The following ERI3 variants were observed in gnomAD, a reference collection of about 807,000 sequenced individuals.
ERI3 encodes the protein ERI1 exoribonuclease family member 3, also known as ERI1 exoribonuclease 3.
A neutral mutation model predicts 44.4 loss-of-function variants in ERI3; 18 were observed. That is an observed-to-expected ratio of 0.41 (90% CI 0.28 to 0.60). The LOEUF (loss-of-function observed/expected upper bound fraction) is 0.60. Ranked by LOEUF, ERI3 falls within the 20% of genes least tolerant of loss-of-function variation. The pLI is 0.36. For missense variants in ERI3, 294 were observed against 435.5 expected, an observed-to-expected ratio of 0.68 and a Z score of 2.89; for synonymous variants, 183 against 164.8, an observed-to-expected ratio of 1.11 and a Z score of -0.84.
intron 5 of ERI3, among the ~76,000 whole-genome samples, chr1:44,309,082 G>A (rs139215470): frequency 1.3e-5 from 2 of 152,298 alleles, no homozygotes; most frequent in African/African-American, 4.8e-5. Flanking sequence ...GCTACAAAGG[G>A]AGAAAAACTG....
In ERI3 at chr1:44,228,270, G is replaced by GT. The variant is rs1644093376; in HGVS notation, c.932-6631dup. The stretch of plus-strand genomic sequence containing the variant: ...CTCCACCCCACCGAGGTGCCTGGAG[G>GT]TGCCACAGGCTGATGGTGAAGGATG... On this transcript the variant is annotated intron_variant, in intron 8 of 8. Coordinates refer to ENST00000372257, the MANE Select transcript of ERI3 (RefSeq NM_024066.3). This position sits in a 1 kb window ranked among gnomAD's most constrained non-coding sequence, Gnocchi z 4.3. Among the ~76,000 whole-genome samples, 1 of 152,130 alleles carries GT rather than the reference G, an allele frequency of 6.6e-6. No homozygotes were observed. The highest frequency in any genetic ancestry group is 1.5e-5 in the Non-Finnish European group (1 of 68,036).
intron 8 of ERI3, among the ~76,000 whole-genome samples, chr1:44,238,946 C>T (rs903240193): frequency 6.6e-6 from 1 of 152,052 alleles, no homozygotes; most frequent in African/African-American, 2.4e-5. Flanking sequence ...AATTACAACG[C>T]GGGGATGAGG....
At chr1:44,279,184 C>A (rs992538416) in intron 7 of ERI3, among the ~76,000 whole-genome samples, 1 of 152,140 alleles carries the variant, frequency 6.6e-6, no homozygotes, top group Non-Finnish European at 1.5e-5. Context: ...GCAATCTCAT[C>A]CACTTCCATG....
chr1:44,259,930 G>GACAC (rs1644861411), intron 7 of ERI3, among the ~76,000 whole-genome samples: 1 of 152,008 alleles, frequency 6.6e-6, no homozygotes, highest in Non-Finnish European at 1.5e-5. Flanking sequence ...TAGACAGACA[G>GACAC]ACAGACAGAC....
chr1:44,342,832 T>TAA (rs1246015094), intron 2 of ERI3, among the ~76,000 whole-genome samples: 474 of 24,104 alleles, frequency 0.02, 9 homozygotes, highest in Non-Finnish European at 0.028. Context: ...TATATATATA[T>TAA]ATATATATAT....
rs183666316 is a variant in ERI3 at position 44,238,715 on chromosome 1, C to G, written c.931+9224G>C. ...GGGCCCATGGAAGGGATATTCACAG[C>G]GAGAGTATAGGACTGAACCCCATCA... is the stretch of plus-strand genomic sequence containing the variant. On this transcript the variant is annotated intron_variant, in intron 8 of 8. Coordinates refer to ENST00000372257, the MANE Select transcript of ERI3 (RefSeq NM_024066.3). 3.6e-4 allele frequency among the ~76,000 whole-genome samples: 54 copies of G among 151,976 alleles called. No individual in the cohort carries two copies. In the East Asian group the frequency reaches 9.3e-3, roughly 26 times the overall value.
chr1:44,229,697 C>A (rs916411640), intron 8 of ERI3, among the ~76,000 whole-genome samples: 8 of 152,188 alleles, frequency 5.3e-5, no homozygotes, highest in African/African-American at 1.9e-4. Context: ...GGGGCCTGGG[C>A]GTACAGGTCT....
chr1:44,292,299 C>T (rs1019394948), intron 6 of ERI3, among the ~76,000 whole-genome samples: 1 of 152,146 alleles, frequency 6.6e-6, no homozygotes, highest in African/African-American at 2.4e-5. Flanking sequence ...AGAGGAAGCA[C>T]CTTGGGACTC....
intron 7 of ERI3, among the ~76,000 whole-genome samples, chr1:44,278,907 A>G (rs1645233058): frequency 6.6e-6 from 1 of 152,240 alleles, no homozygotes. Context: ...CTGGCCAAGA[A>G]AGTTTTTAAT....
intron 8 of ERI3, among the ~76,000 whole-genome samples, chr1:44,239,868 G>GGATC (rs2154317267): frequency 6.6e-6 from 1 of 152,364 alleles, no homozygotes; most frequent in Non-Finnish European, 1.5e-5. Context: ...TCAAACGGCA[G>GGATC]GATCTGGGCC....
chr1:44,226,778 A>AAC (rs60011057), intron 8 of ERI3, among the ~76,000 whole-genome samples: 5,975 of 143,408 alleles, frequency 0.042, 186 homozygotes, highest in African/African-American at 0.086. Context: ...AGCATTATTA[A>AAC]ACACACACAC....
intron 8 of ERI3, among the ~76,000 whole-genome samples, chr1:44,245,111 T>C (rs1644527348): frequency 6.6e-6 from 1 of 152,120 alleles, no homozygotes; most frequent in Non-Finnish European, 1.5e-5. Context: ...TGGGAAGCAG[T>C]CCACGTCAAA....
intron 8 of ERI3, among the ~76,000 whole-genome samples, chr1:44,234,110 T>C (rs1391469227): frequency 1.3e-5 from 2 of 152,214 alleles, no homozygotes; most frequent in African/African-American, 2.4e-5. Context: ...TGCTCAGAAC[T>C]GTCATTGGTC....
At chr1:44,337,619 C>T (rs915526361) in intron 3 of ERI3, among the ~76,000 whole-genome samples, 2 of 152,184 alleles carry the variant, frequency 1.3e-5, no homozygotes, top group Non-Finnish European at 2.9e-5. Flanking sequence ...GGTTCCCAGC[C>T]CTCAGTAGGC....
chr1:44,243,254 C>T (rs903644618), intron 8 of ERI3, among the ~76,000 whole-genome samples: 8 of 152,222 alleles, frequency 5.3e-5, no homozygotes, highest in African/African-American at 1.9e-4. Flanking sequence ...CAGTGGGATC[C>T]TTCTCCATCC....
At chr1:44,285,017 T>G in intron 6 of ERI3, 110 bp from the exon 7 acceptor site, 4 of 904,886 alleles carry the variant, frequency 4.4e-6, no homozygotes, top group Non-Finnish European at 1.8e-6. Context: ...CCTCAAAAGG[T>G]CAACCCATTA....
At chr1:44,277,919 T>C (rs1253197869) in intron 7 of ERI3, among the ~76,000 whole-genome samples, 2 of 152,196 alleles carry the variant, frequency 1.3e-5, no homozygotes, top group Non-Finnish European at 2.9e-5. Flanking sequence ...AACCATAGCG[T>C]CTAGCACAGC....
rs1222108931 is a variant in ERI3 at position 44,241,804 on chromosome 1, A to C, written c.931+6135T>G. 1 of 262,408 alleles carries C rather than the reference A, an allele frequency of 3.8e-6. No homozygotes were observed. The highest frequency in any genetic ancestry group is 5.5e-6 in the Non-Finnish European group (1 of 181,546). 16.3% of individuals were successfully genotyped at this position (262,408 alleles called of 1,614,324 possible). Reference sequence around the variant, plus strand: ...CTTCCTAAAGAATCAAACACACATAACACATACATACATACATACATACAT... The same window carrying C: ...CTTCCTAAAGAATCAAACACACATACCACATACATACATACATACATACAT... On this transcript the variant is annotated intron_variant, in intron 8 of 8. Transcript: ENST00000372257. The surrounding 1 kb of genome is among the most constrained non-coding windows in gnomAD (Gnocchi z 5.6).
At chr1:44,349,590 T>G (rs780954302) in intron 2 of ERI3, among the ~76,000 whole-genome samples, 3 of 152,234 alleles carry the variant, frequency 2.0e-5, no homozygotes, top group Non-Finnish European at 4.4e-5. Flanking sequence ...TTAGCATATG[T>G]TCACAACGAC....
Sources: allele counts gnomAD v4.1 joint callset (sites outside exome capture counted in the v4.1 genomes callset), GRCh38; gene constraint gnomAD v4.1.1; non-coding constraint Gnocchi (gnomAD v3.1); transcripts MANE v1.5; gene names NCBI Gene and HGNC (gene_info 2026-07-23, HGNC 2026-07-21).